NALF1: variants seen among roughly 807,000 people sequenced by gnomAD.
NALF1 encodes the protein NALCN channel auxiliary factor 1.
NALF1 carries 3 observed loss-of-function variants against 48.4 expected under a neutral mutation model. The observed-to-expected ratio is 0.06, with a 90% CI of 0.03 to 0.16. The LOEUF (loss-of-function observed/expected upper bound fraction) is 0.16, where lower values mean the gene tolerates loss of function less well. NALF1 is among the 10% of genes least tolerant of loss of function. The probability of loss-of-function intolerance (pLI) is 1.00; values close to 1 mark genes in which losing one functional copy is unlikely to be tolerated. For missense variants in NALF1, 526 were observed against 571.5 expected (o/e 0.92, Z 0.81); for synonymous variants, 262 against 245.7 (o/e 1.07, Z -0.62).
chr13:107,573,564 A>G (rs1050315996), intron 1 of NALF1, among the ~76,000 whole-genome samples: 1 of 152,150 alleles, frequency 6.6e-6, no homozygotes, highest in African/African-American at 2.4e-5. Flanking sequence ...CAGAACTTGT[A>G]GGTGATGTCC....
intron 1 of NALF1, among the ~76,000 whole-genome samples, chr13:107,668,747 C>A (rs992912147): frequency 6.6e-6 from 1 of 151,974 alleles, no homozygotes; most frequent in African/African-American, 2.4e-5. Flanking sequence ...CTATGAGACT[C>A]CATCCATGAA....
chr13:107,538,009 C>A (rs1014381993), intron 1 of NALF1, among the ~76,000 whole-genome samples: 3 of 151,886 alleles, frequency 2.0e-5, no homozygotes, highest in Non-Finnish European at 4.4e-5. Context: ...AAAGTGACAC[C>A]CCATCTCAAA....
intron 1 of NALF1, among the ~76,000 whole-genome samples, chr13:107,501,000 C>T (rs1875504139): frequency 6.6e-6 from 1 of 151,706 alleles, no homozygotes; most frequent in African/African-American, 2.4e-5. Context: ...ATACCTAATG[C>T]TAAATGATGA....
At chr13:107,303,727 C>T (rs1311358649) in intron 1 of NALF1, among the ~76,000 whole-genome samples, 1 of 152,072 alleles carries the variant, frequency 6.6e-6, no homozygotes, top group East Asian at 1.9e-4. Context: ...TAAGTGTTCT[C>T]TTCAAGAAAA....
chr13:107,631,217 T>C (rs1879825466), intron 1 of NALF1, among the ~76,000 whole-genome samples: 1 of 152,080 alleles, frequency 6.6e-6, no homozygotes, highest in Non-Finnish European at 1.5e-5. Flanking sequence ...AGACTTCAAA[T>C]ATTTTTAATG....
intron 1 of NALF1, among the ~76,000 whole-genome samples, chr13:107,447,175 C>A (rs368174218): frequency 6.6e-6 from 1 of 152,122 alleles, no homozygotes; most frequent in East Asian, 1.9e-4. Context: ...TCTCCTTGGC[C>A]TCCTCCTCGT....
At chr13:107,421,727 C>T (rs1399426586) in intron 1 of NALF1, among the ~76,000 whole-genome samples, 6 of 152,168 alleles carry the variant, frequency 3.9e-5, no homozygotes, top group Non-Finnish European at 7.3e-5. Context: ...CCTTGGTAGA[C>T]TTGGTGATGG....
At chr13:107,213,424 A>T (rs1322050792) in intron 1 of NALF1, among the ~76,000 whole-genome samples, 1 of 152,160 alleles carries the variant, frequency 6.6e-6, no homozygotes, top group Non-Finnish European at 1.5e-5. Flanking sequence ...GGCATCCGTT[A>T]TGAGCTACCT....
intron 1 of NALF1, among the ~76,000 whole-genome samples, chr13:107,439,764 T>C (rs945042764): frequency 6.6e-6 from 1 of 152,222 alleles, no homozygotes; most frequent in African/African-American, 2.4e-5. Flanking sequence ...CAGCACTTCT[T>C]TGTCTTCTGA....
Position 107,167,453 on chromosome 13 carries a change from C to T in NALF1, c.*3044G>A, listed in dbSNP as rs1878685419. 6.6e-6 allele frequency: 1 copy of T among 152,218 alleles called. No homozygotes were observed. Among genetic ancestry groups the T allele is most frequent in the Admixed American group, 6.5e-5 (1 of 15,270 alleles). The allele number at this position is 152,218 out of a possible 1,614,324, so 9.4% of individuals were successfully genotyped here. A position where few individuals can be genotyped will look rare whatever the true frequency, so the allele number is the denominator to read the frequency against. ...GAAAGGAGTCGTTGCCTATTTGGAT[C>T]CTCTGCCTGACCCCAGAAGAAGCTG... is the stretch of plus-strand genomic sequence containing the variant. On this transcript the variant is annotated 3_prime_UTR_variant, in exon 3 of 3. Coordinates refer to ENST00000375915, the MANE Select transcript of NALF1 (RefSeq NM_001080396.3).
intron 1 of NALF1, among the ~76,000 whole-genome samples, chr13:107,851,972 ATT>A (rs1413126585): frequency 6.9e-6 from 1 of 144,240 alleles, no homozygotes; most frequent in African/African-American, 2.5e-5. Context: ...ATGCCCGGCT[ATT>A]TTTTTTTTTA....
intron 1 of NALF1, among the ~76,000 whole-genome samples, chr13:107,705,221 G>A (rs1315431261): frequency 6.6e-6 from 1 of 152,160 alleles, no homozygotes; most frequent in African/African-American, 2.4e-5. Context: ...GTCCAACGAA[G>A]AAGTTGATAC....
At chr13:107,465,068 ACTTTT>A (rs1884979345) in intron 1 of NALF1, among the ~76,000 whole-genome samples, 1 of 152,064 alleles carries the variant, frequency 6.6e-6, no homozygotes, top group South Asian at 2.1e-4. Flanking sequence ...TATAAACTTT[ACTTTT>A]AACATTTATA....
chr13:107,655,715 G>GA (rs369418093), intron 1 of NALF1, among the ~76,000 whole-genome samples: 5 of 148,408 alleles, frequency 3.4e-5, no homozygotes, highest in African/African-American at 7.4e-5. Context: ...GCAAGACTAA[G>GA]AAAAAAAAAA....
chr13:107,465,674 G>C (rs1884990757), intron 1 of NALF1, among the ~76,000 whole-genome samples: 1 of 152,200 alleles, frequency 6.6e-6, no homozygotes, highest in Admixed American at 6.5e-5. Context: ...GCACTGGGGA[G>C]TGTATTTGTC....
At chr13:107,833,275 T>C (rs1056268503) in intron 1 of NALF1, among the ~76,000 whole-genome samples, 5 of 152,232 alleles carry the variant, frequency 3.3e-5, no homozygotes, top group Non-Finnish European at 7.3e-5. Context: ...GTGTCTTACC[T>C]ATACCACACC....
chr13:107,203,096 C>T (rs1351249004), intron 2 of NALF1, among the ~76,000 whole-genome samples: 2 of 152,326 alleles, frequency 1.3e-5, no homozygotes, highest in African/African-American at 2.4e-5. Context: ...ACAAAGAATT[C>T]GCGAATTCTT....
chr13:107,540,259 C>T (rs908576972), intron 1 of NALF1, among the ~76,000 whole-genome samples: 2 of 151,870 alleles, frequency 1.3e-5, no homozygotes, highest in African/African-American at 4.8e-5. Flanking sequence ...CTCTAGTCTA[C>T]TGAGAGGAAA....
intron 1 of NALF1, among the ~76,000 whole-genome samples, chr13:107,858,198 C>CA (rs1880484306): frequency 6.6e-6 from 1 of 151,972 alleles, no homozygotes; most frequent in East Asian, 1.9e-4. Flanking sequence ...GCTATATCAT[C>CA]GAAAAATGTT....
Sources: gnomAD v4.1 joint callset for allele counts (sites outside exome capture counted in the v4.1 genomes callset) on GRCh38, gnomAD v4.1.1 for gene constraint, MANE v1.5 for transcripts, NCBI Gene and HGNC (gene_info 2026-07-23, HGNC 2026-07-21) for gene names.